Variants in ANO3 observed in about 807,000 individuals in gnomAD.
ANO3 encodes the protein anoctamin 3.
ANO3 carries 99 observed loss-of-function variants against 144.8 expected under a neutral mutation model. The ratio of observed to expected loss-of-function variants is 0.68; its 90% CI spans 0.58 to 0.81. The LOEUF is 0.81. Among genes scored for constraint, ANO3 ranks in the 30% least tolerant of loss-of-function variants. The pLI, the probability that ANO3 is intolerant of heterozygous loss-of-function variation, is 0.00. For synonymous variants in ANO3, 414 were observed against 392.6 expected, an observed-to-expected ratio of 1.05 and a Z score of -0.64; for missense variants, 905 against 1,202.2, an observed-to-expected ratio of 0.75 and a Z score of 3.66.
chr11:26,298,233 C>T (rs6484201), intron 1 of ANO3, among the ~76,000 whole-genome samples: 13,848 of 152,058 alleles, frequency 0.091, 1,382 homozygotes, highest in African/African-American at 0.25. Flanking sequence ...TAATAGCTAC[C>T]CACCCAGTAA....
chr11:26,289,611 ATATATTC>A lies in ANO3; in HGVS notation c.155-20028_155-20022del, dbSNP rs1363354635. ...TGTGTGTATATGTACATATACACAC[ATATATTC>A]TATATGTGTGTATATGTACATATAC... On this transcript the variant is annotated intron_variant, in intron 1 of 27. Transcript: ENST00000672621. Among the ~76,000 whole-genome samples, 130 of 92,492 alleles carry A rather than the reference ATATATTC, an allele frequency of 1.4e-3. 4 individuals carry two copies. Among genetic ancestry groups the A allele is most frequent in the Non-Finnish European group, 2.1e-3 (105 of 50,042 alleles). The allele number at this position is 92,492 out of a possible 152,430, so 60.7% of individuals were successfully genotyped here.
Position 26,547,050 on chromosome 11 carries a change from G to C in ANO3, c.1155-366G>C, listed in dbSNP as rs79816586. Among the ~76,000 whole-genome samples the C allele has an allele frequency of 2.3e-3, 356 of 151,812 alleles. 1 individual carries two copies. Among genetic ancestry groups the C allele is most frequent in the African/African-American group, 8.0e-3 (331 of 41,444 alleles). Reference sequence around the variant, plus strand: ...ACCTGCTCTCAGCACCCACCCAGAGGGGAGACCTTTTCTTAATTTTCATGA... The same window carrying C: ...ACCTGCTCTCAGCACCCACCCAGAGCGGAGACCTTTTCTTAATTTTCATGA... On this transcript the variant is annotated intron_variant, in intron 11 of 26. Transcript: ENST00000256737.
intron 5 of ANO3, among the ~76,000 whole-genome samples, chr11:26,509,348 C>T (rs1861563596): frequency 6.6e-6 from 1 of 151,860 alleles, no homozygotes; most frequent in Non-Finnish European, 1.5e-5. Context: ...CTGAGTCTCA[C>T]TCTGTTGCCC....
chr11:26,642,486 G>GAA (rs5790600), intron 22 of ANO3, among the ~76,000 whole-genome samples: 56,958 of 150,802 alleles, frequency 0.38, 11,612 homozygotes, highest in South Asian at 0.49. Context: ...CAAGTAGCTG[G>GAA]GATTACAGGT....
At chr11:26,295,515 CAAAAA>C (rs71047842) in intron 1 of ANO3, among the ~76,000 whole-genome samples, 225 of 66,092 alleles carry the variant, frequency 3.4e-3, no homozygotes, top group African/African-American at 7.4e-3. Context: ...GACTCTGTCT[CAAAAA>C]AAAAAAAAAA....
intron 14 of ANO3, chr11:26,565,570 A>G (rs866610526): frequency 6.8e-6 from 11 of 1,613,230 alleles, no homozygotes; most frequent in Admixed American, 3.3e-5. Context: ...AGACTGCCCA[A>G]AGAATGCTCT....
At chr11:26,331,990 C>A (rs537571928), upstream of ANO3, 39 of 762,872 alleles carry the variant, frequency 5.1e-5, no homozygotes, top group Non-Finnish European at 6.8e-5. Context: ...CCAGCCAACC[C>A]CGCTCAACGC....
intron 3 of ANO3, among the ~76,000 whole-genome samples, chr11:26,452,235 A>G (rs983822296): frequency 1.3e-5 from 2 of 152,260 alleles, no homozygotes; most frequent in African/African-American, 4.8e-5. Context: ...TGGACGGAGA[A>G]TGACTTTGAC....
At chr11:26,372,160 G>A (rs1196987645) in intron 1 of ANO3, among the ~76,000 whole-genome samples, 2 of 152,088 alleles carry the variant, frequency 1.3e-5, no homozygotes, top group African/African-American at 2.4e-5. Flanking sequence ...TTTTCCCCAT[G>A]CTCTTCTTGT....
intron 1 of ANO3, among the ~76,000 whole-genome samples, chr11:26,271,636 G>A (rs908649066): frequency 2.6e-5 from 4 of 151,742 alleles, no homozygotes; most frequent in Non-Finnish European, 5.9e-5. Context: ...TAATTTAGAG[G>A]TATAATGTCA....
At chr11:26,255,563 A>C (rs1042334976) in intron 1 of ANO3, among the ~76,000 whole-genome samples, 2 of 152,096 alleles carry the variant, frequency 1.3e-5, no homozygotes, top group South Asian at 2.1e-4. Context: ...AATAGGAACC[A>C]CAGCTAGATA....
chr11:26,501,107 G>A (rs1398423982), intron 4 of ANO3, among the ~76,000 whole-genome samples: 1 of 152,154 alleles, frequency 6.6e-6, no homozygotes, highest in Non-Finnish European at 1.5e-5. Context: ...CAGTAGGATA[G>A]GATTAAGAAA....
In ANO3 at chr11:26,634,207, A is replaced by T; in HGVS notation, c.1877A>T (p.Tyr626Phe). The T allele has an allele frequency of 6.2e-7, 1 of 1,611,100 alleles. No homozygotes were observed. The highest frequency in any genetic ancestry group is 8.5e-7 in the Non-Finnish European group (1 of 1,177,498). ...KIAYLLTNLE[Y>F]PRTESEWENS... ...ATGCAACCTGTGTTCCTTTTAGAATATCCTCGAACAGAATCAGAGTGGGAA... is the reference window on the plus strand; with the variant it reads ...ATGCAACCTGTGTTCCTTTTAGAATTTCCTCGAACAGAATCAGAGTGGGAA... The change falls in exon 19 of 27, where the codon TAT (tyrosine) becomes TTT (phenylalanine). Residue 626 changes from tyrosine to phenylalanine, a missense_variant. Physicochemically the swap from Tyr to Phe is conservative, Grantham distance 22. This residue lies in a region of ANO3 where 597 missense variants were observed against 865.1 expected (regional missense o/e 0.69). Coordinates refer to ENST00000256737, the MANE Select transcript of ANO3 (RefSeq NM_031418.4).
chr11:26,463,868 CACG>C (rs1859503925), intron 4 of ANO3, among the ~76,000 whole-genome samples: 3 of 151,512 alleles, frequency 2.0e-5, no homozygotes, highest in Admixed American at 6.6e-5. Context: ...TGATGATTTT[CACG>C]ACAAATCCTA....
At chr11:26,378,361 C>A (rs1856472910) in intron 1 of ANO3, among the ~76,000 whole-genome samples, 2 of 146,868 alleles carry the variant, frequency 1.4e-5, no homozygotes, top group Admixed American at 6.8e-5. Flanking sequence ...CTATAAATAT[C>A]TATATATTAT....
intron 21 of ANO3, among the ~76,000 whole-genome samples, chr11:26,640,721 C>T (rs1367372080): frequency 1.3e-5 from 2 of 152,060 alleles, no homozygotes; most frequent in African/African-American, 4.8e-5. Context: ...ATCCTAAGGG[C>T]ACCATGGCAC....
chr11:26,578,966 T>C (rs1383959242), intron 14 of ANO3, among the ~76,000 whole-genome samples: 1 of 152,218 alleles, frequency 6.6e-6, no homozygotes, highest in Admixed American at 6.5e-5. Context: ...TATAGCAGCT[T>C]TATTCTTTTA....
intron 1 of ANO3, among the ~76,000 whole-genome samples, chr11:26,419,495 TAGTAA>T (rs753815682): frequency 2.7e-5 from 4 of 149,092 alleles, no homozygotes; most frequent in South Asian, 2.1e-4. Flanking sequence ...CTGAACAAAT[TAGTAA>T]AGTAATTAAT....
chr11:26,332,096 T>TA, upstream of ANO3: 1 of 1,469,952 alleles, frequency 6.8e-7, no homozygotes, highest in Non-Finnish European at 9.0e-7. Context: ...CCTCCCGCGT[T>TA]CCCATGACAA....
Sources: allele counts gnomAD v4.1 joint callset (sites outside exome capture counted in the v4.1 genomes callset), GRCh38; gene constraint gnomAD v4.1.1; regional missense constraint gnomAD v4.1.1; transcripts MANE v1.5; gene names NCBI Gene and HGNC (gene_info 2026-07-23, HGNC 2026-07-21).